CASZ1: variants seen among roughly 807,000 people sequenced by gnomAD.
The protein encoded by CASZ1 is zinc finger protein castor homolog 1.
In CASZ1, 28 loss-of-function variants were observed where a neutral mutation model predicts 135.2. The ratio of observed to expected loss-of-function variants is 0.21; its 90% CI spans 0.15 to 0.28. The LOEUF is 0.28. Ranked by LOEUF, CASZ1 falls within the 10% of genes least tolerant of loss-of-function variation. CASZ1 has a pLI of 1.00. For synonymous variants in CASZ1, 1,068 were observed against 1,073.4 expected, an observed-to-expected ratio of 0.99 and a Z score of 0.10; for missense variants, 2,161 against 2,453.3, an observed-to-expected ratio of 0.88 and a Z score of 2.52.
chr1:10,660,529 G>C lies in CASZ1; in HGVS notation c.513C>G (p.Ala171=). 6.2e-7 allele frequency: 1 copy of C among 1,611,736 alleles called. No individual in the cohort carries two copies. The highest frequency in any genetic ancestry group is 8.5e-7 in the Non-Finnish European group (1 of 1,179,618). The change falls in exon 6 of 21, where the codon GCC becomes GCG. Residue 171 remains alanine (A), a synonymous_variant. Coordinates refer to ENST00000377022, the MANE Select transcript of CASZ1 (RefSeq NM_001079843.3). The part of the protein sequence containing the change: ...GPSTRQASGE[A]SSLRDYAAST... ...AGGCCGCGTAGTCCCGCAGCGAGGA[G>C]GCCTCTCCTGCAGAGGAGGATGGGG...
chr1:10,659,585 T>A, intron 6 of CASZ1, 117 bp downstream of exon 6: 1 of 750,638 alleles, frequency 1.3e-6, no homozygotes, highest in Non-Finnish European at 2.3e-6. Flanking sequence ...ACAGTGGATG[T>A]GTATAAGGTG....
At chr1:10,689,841 AG>A (rs1280582335) in intron 4 of CASZ1, among the ~76,000 whole-genome samples, 54 of 152,350 alleles carry the variant, frequency 3.5e-4, no homozygotes, top group Non-Finnish European at 1.2e-4. Flanking sequence ...AAGATCTTAA[AG>A]GTCATCTGAT....
intron 1 of CASZ1, among the ~76,000 whole-genome samples, chr1:10,781,759 C>T (rs1640766296): frequency 6.6e-6 from 1 of 152,162 alleles, no homozygotes; most frequent in African/African-American, 2.4e-5. Context: ...TCACCATGTG[C>T]CAGGAGCCCT....
intron 2 of CASZ1, among the ~76,000 whole-genome samples, chr1:10,754,293 G>C (rs1192632069): frequency 6.6e-6 from 1 of 152,138 alleles, no homozygotes; most frequent in African/African-American, 2.4e-5. Flanking sequence ...TTTTTCTCCT[G>C]TATCATTTGG....
At chr1:10,754,254 G>T (rs978735026) in intron 2 of CASZ1, among the ~76,000 whole-genome samples, 1 of 152,094 alleles carries the variant, frequency 6.6e-6, no homozygotes, top group Non-Finnish European at 1.5e-5. Context: ...TCCTTCCCAC[G>T]CATCGCCATC....
intron 4 of CASZ1, among the ~76,000 whole-genome samples, chr1:10,674,590 T>C (rs2100333802): frequency 6.6e-6 from 1 of 152,356 alleles, no homozygotes; most frequent in East Asian, 1.9e-4. Context: ...ACAGCGTTGC[T>C]GAGGGGATGA....
chr1:10,734,874 T>C (rs1182421008), intron 2 of CASZ1, among the ~76,000 whole-genome samples: 2 of 151,976 alleles, frequency 1.3e-5, no homozygotes, highest in African/African-American at 4.8e-5. Flanking sequence ...CTGAGGAGCA[T>C]GCATCTAGGG....
Position 10,707,382 on chromosome 1 carries a change from C to CAAGGGAGCG in CASZ1, c.-76-1847_-76-1839dup, listed in dbSNP as rs1450958417. On this transcript the variant is annotated intron_variant, in intron 2 of 20. Coordinates refer to ENST00000377022, the MANE Select transcript of CASZ1 (RefSeq NM_001079843.3). The surrounding 1 kb of genome is among the most constrained non-coding windows in gnomAD (Gnocchi z 5.0). ...CCCAACCACCCCTGTTTTCTGACAA[C>CAAGGGAGCG]AAGGGAGCGCGGGAGACCGGAGCGC... Among the ~76,000 whole-genome samples the CAAGGGAGCG allele has an allele frequency of 6.6e-6, 1 of 152,218 alleles. No individual in the cohort carries two copies. The highest frequency in any genetic ancestry group is 2.4e-5 in the African/African-American group (1 of 41,436).
intron 4 of CASZ1, among the ~76,000 whole-genome samples, chr1:10,668,109 G>A (rs912652973): frequency 2.0e-5 from 3 of 152,172 alleles, no homozygotes; most frequent in Admixed American, 6.5e-5. Flanking sequence ...CACAGGGGCA[G>A]GAGGCAGAGG....
chr1:10,681,009 T>A (rs1262761616), intron 4 of CASZ1, among the ~76,000 whole-genome samples: 1 of 152,156 alleles, frequency 6.6e-6, no homozygotes, highest in African/African-American at 2.4e-5. Context: ...CAAGCGATTC[T>A]CCTGCCTCAG....
rs937555090 is a variant in CASZ1, at chr1:10,774,761, G to A, written c.-233-13904C>T. ...AACCACCAGGAGAGGCTGGAGGCTTGAGCCCTCCCTCCTCTGTCCCAGCGC... is the reference window on the plus strand; with the variant it reads ...AACCACCAGGAGAGGCTGGAGGCTTAAGCCCTCCCTCCTCTGTCCCAGCGC... On this transcript the variant is annotated intron_variant, in intron 1 of 20. Transcript: ENST00000377022. The surrounding 1 kb of genome is among the most constrained non-coding windows in gnomAD (Gnocchi z 4.4). Among the ~76,000 whole-genome samples, 3 of 152,034 alleles carry A rather than the reference G, an allele frequency of 2.0e-5. No homozygotes were observed. Among genetic ancestry groups the A allele is most frequent in the Non-Finnish European group, 4.4e-5 (3 of 67,992 alleles).
chr1:10,781,593 C>T (rs1570587927), intron 1 of CASZ1, among the ~76,000 whole-genome samples: 1 of 152,250 alleles, frequency 6.6e-6, no homozygotes, highest in Admixed American at 6.5e-5. Context: ...CTCCAACAGA[C>T]TTGTGGTGGC....
At chr1:10,669,204 C>T (rs1462830483) in intron 4 of CASZ1, among the ~76,000 whole-genome samples, 3 of 152,188 alleles carry the variant, frequency 2.0e-5, no homozygotes, top group Non-Finnish European at 2.9e-5. Flanking sequence ...GCTGTAGACA[C>T]TCCAGAGCCC....
Position 10,647,560 on chromosome 1 carries a change from A to AG in CASZ1, c.3497+240dup, listed in dbSNP as rs1221650814. The AG allele has an allele frequency of 1.4e-6, 2 of 1,399,362 alleles. No individual in the cohort carries two copies. The highest frequency in any genetic ancestry group is 2.9e-5 in the African/African-American group (2 of 68,810). 86.7% of individuals were successfully genotyped at this position (1,399,362 alleles called of 1,614,324 possible). ...CTGGCAGGATCACCACATGCCCTGC[A>AG]GGAGCAGTAGCCACTGCCGCCACCA... On this transcript the variant is annotated intron_variant, in intron 16 of 20. Coordinates refer to ENST00000377022, the MANE Select transcript of CASZ1 (RefSeq NM_001079843.3). The surrounding 1 kb of genome is among the most constrained non-coding windows in gnomAD (Gnocchi z 4.9).
At chr1:10,664,317 C>T (rs1052673170) in intron 5 of CASZ1, among the ~76,000 whole-genome samples, 1 of 151,986 alleles carries the variant, frequency 6.6e-6, no homozygotes, top group African/African-American at 2.4e-5. Flanking sequence ...TCCTGGCGAC[C>T]CCCTTGCCTG....
At chr1:10,685,676 C>T (rs567863643) in intron 4 of CASZ1, among the ~76,000 whole-genome samples, 15 of 152,094 alleles carry the variant, frequency 9.9e-5, no homozygotes, top group Non-Finnish European at 2.1e-4. Flanking sequence ...CCCCCGGGCA[C>T]GAAGCTGGCC....
chr1:10,650,589 T>C lies in CASZ1; in HGVS notation c.2880+103A>G, dbSNP rs962898595. ...ATTTAAATGGTACAAACTCATCTTA[T>C]TAGAGGCAAAACATTAAAAAACAAA... On this transcript the variant is annotated intron_variant, in intron 13 of 20. Coordinates refer to ENST00000377022, the MANE Select transcript of CASZ1 (RefSeq NM_001079843.3). The C allele has an allele frequency of 8.4e-6, 8 of 949,880 alleles. No individual in the cohort carries two copies. In the African/African-American group the frequency reaches 1.3e-4, roughly 15 times the overall value. 58.8% of individuals were successfully genotyped at this position (949,880 alleles called of 1,614,324 possible).
chr1:10,693,939 C>A (rs1315090961), intron 3 of CASZ1, 27 bp from the exon 4 acceptor site: 1 of 1,609,226 alleles, frequency 6.2e-7, no homozygotes, highest in Non-Finnish European at 8.5e-7. Context: ...CAGGGGAAGA[C>A]CGGGAGAGAA....
At chr1:10,789,985 A>AG (rs1347587759) in intron 1 of CASZ1, among the ~76,000 whole-genome samples, 7 of 151,804 alleles carry the variant, frequency 4.6e-5, no homozygotes, top group Non-Finnish European at 7.4e-5. Context: ...AGGGGGCCCG[A>AG]GGTGGGGGTG....
Sources: allele counts gnomAD v4.1 joint callset (sites outside exome capture counted in the v4.1 genomes callset), GRCh38; gene constraint gnomAD v4.1.1; non-coding constraint Gnocchi (gnomAD v3.1); transcripts MANE v1.5; gene names NCBI Gene and HGNC (gene_info 2026-07-23, HGNC 2026-07-21).